The following TDRD1 variants were observed in gnomAD, a reference collection of about 807,000 sequenced individuals.
TDRD1 encodes the protein tudor domain-containing protein 1.
In TDRD1, 37 loss-of-function variants were observed where a neutral mutation model predicts 140.6. The observed-to-expected ratio is 0.26, with a 90% confidence interval of 0.20 to 0.35. TDRD1 has a LOEUF of 0.35. Among genes scored for constraint, TDRD1 ranks in the 10% least tolerant of loss-of-function variants. The probability of loss-of-function intolerance (pLI) is 1.00; values close to 1 mark genes in which losing one functional copy is unlikely to be tolerated. For missense variants in TDRD1, 1,243 were observed against 1,393.0 expected (o/e 0.89, Z 1.71); for synonymous variants, 506 against 475.7 (o/e 1.06, Z -0.83).
rs149671783 is a variant in TDRD1 at position 114,210,917 on chromosome 10, G to T, written c.1610G>T (p.Arg537Leu). The T allele has an allele frequency of 1.9e-4, 312 of 1,613,960 alleles. No homozygotes were observed. Among genetic ancestry groups the T allele is most frequent in the Non-Finnish European group, 2.6e-4 (303 of 1,179,982 alleles). ...AAGTACTGTGATCAGTTGCCTCCACGCTCTGATTTTTATCCAGCCATTGGT... is the reference window on the plus strand; with the variant it reads ...AAGTACTGTGATCAGTTGCCTCCACTCTCTGATTTTTATCCAGCCATTGGT... Residue 537 changes from arginine (R) to leucine (L), a missense_variant, in exon 13 of 26, where the codon CGC becomes CTC. This residue lies in a region of TDRD1 where 392 missense variants were observed against 394.1 expected (regional missense o/e 0.99). Coordinates refer to ENST00000251864, the Ensembl canonical transcript of TDRD1.
intron 7 of TDRD1, 43 bp downstream of exon 7, chr10:114,203,219 A>G: frequency 1.3e-6 from 2 of 1,522,342 alleles, no homozygotes; most frequent in Non-Finnish European, 1.8e-6. Flanking sequence ...GATCCAGAGA[A>G]CTGTATTTAT....
At chr10:114,224,867 C>T (rs1032355191) in intron 21 of TDRD1, among the ~76,000 whole-genome samples, 1 of 152,164 alleles carries the variant, frequency 6.6e-6, no homozygotes, top group Non-Finnish European at 1.5e-5. Flanking sequence ...AGGCTTTCTG[C>T]AAATCTCTGG....
chr10:114,187,809 T>A lies in TDRD1; in HGVS notation c.-6-17T>A. On this transcript the variant is annotated splice_polypyrimidine_tract_variant and intron_variant, in intron 1 of 25. Coordinates refer to ENST00000251864, the Ensembl canonical transcript of TDRD1. ...TTGAAATTAAAAGTTGTCTCTTAAA[T>A]ACATTTCTCTCCTTAGGCCTCGATG... 7.2e-6 allele frequency: 11 copies of A among 1,530,666 alleles called. No individual in the cohort carries two copies. Among genetic ancestry groups the A allele is most frequent in the Non-Finnish European group, 9.6e-6 (11 of 1,142,966 alleles). The allele number at this position is 1,530,666 out of a possible 1,614,324, so 94.8% of individuals were successfully genotyped here.
chr10:114,211,063 A>T (rs1276366544), intron 13 of TDRD1, 96 bp downstream of exon 13: 3 of 929,998 alleles, frequency 3.2e-6, no homozygotes, highest in Non-Finnish European at 4.7e-6. Context: ...TTTGGTTTGC[A>T]CTGATGGCTG....
At chr10:114,210,461 A>G (rs2035408559) in intron 11 of TDRD1, 120 bp from the exon 12 acceptor site, 4 of 993,662 alleles carry the variant, frequency 4.0e-6, no homozygotes, top group Non-Finnish European at 5.7e-6. Context: ...TCAGACTGCC[A>G]TCTTCCAGGA....
intron 21 of TDRD1, among the ~76,000 whole-genome samples, chr10:114,223,468 A>G (rs2036262112): frequency 6.6e-6 from 1 of 152,250 alleles, no homozygotes; most frequent in Non-Finnish European, 1.5e-5. Context: ...CTGGATCCCA[A>G]ACCTCTCACA....
chr10:114,219,564 T>G (rs1404178447), intron 18 of TDRD1, among the ~76,000 whole-genome samples: 1 of 151,788 alleles, frequency 6.6e-6, no homozygotes, highest in Non-Finnish European at 1.5e-5. Flanking sequence ...TATAATATAT[T>G]TCAGATTATT....
At chr10:114,211,788 T>C (rs1434364755) in intron 13 of TDRD1, 78 bp from the exon 14 acceptor site, 6 of 1,360,060 alleles carry the variant, frequency 4.4e-6, no homozygotes, top group African/African-American at 1.5e-5. Context: ...AATGACCATC[T>C]CTAAGTTGAG....
At chr10:114,211,062 C>T (rs1225137150) in intron 13 of TDRD1, 95 bp downstream of exon 13, 52 of 930,332 alleles carry the variant, frequency 5.6e-5, no homozygotes, top group Admixed American at 5.4e-5. Context: ...CTTTGGTTTG[C>T]ACTGATGGCT....
chr10:114,214,241 C>T (rs971610547), intron 16 of TDRD1, 127 bp downstream of exon 16: 15 of 777,992 alleles, frequency 1.9e-5, no homozygotes, highest in Non-Finnish European at 2.8e-5. Context: ...ATTTGTATTT[C>T]CAAGAAAGAT....
At chr10:114,200,949 G>A (rs2034698901) in intron 4 of TDRD1, among the ~76,000 whole-genome samples, 1 of 146,132 alleles carries the variant, frequency 6.8e-6, no homozygotes, top group Non-Finnish European at 1.5e-5. Context: ...TCTGCCTCCC[G>A]GGTTCGAGAT....
intron 21 of TDRD1, among the ~76,000 whole-genome samples, chr10:114,224,433 G>A (rs910669006): frequency 6.6e-6 from 1 of 152,150 alleles, no homozygotes; most frequent in African/African-American, 2.4e-5. Flanking sequence ...CAGTGGGTGG[G>A]CCCCTTACAT....
intron 11 of TDRD1, among the ~76,000 whole-genome samples, chr10:114,208,969 A>T (rs2035306388): frequency 6.6e-6 from 1 of 151,932 alleles, no homozygotes. Flanking sequence ...TTTTTAGTAG[A>T]GACAGTGTTT....
At position 114,231,612 on chromosome 10, in the gene TDRD1, T is replaced by G. The variant is rs183906467; in HGVS notation, c.*95T>G. The G allele has an allele frequency of 2.4e-3, 2,516 of 1,041,232 alleles. 2 individuals are homozygous for G. Among genetic ancestry groups the G allele is most frequent in the Non-Finnish European group, 3.2e-3 (2,282 of 718,544 alleles). 64.5% of individuals were successfully genotyped at this position (1,041,232 alleles called of 1,614,324 possible). ...TTTTCTTTGTCCACTTTCTCTGTAA[T>G]GACCTTCTATCCCTCCGTTTTTGCC... is the stretch of plus-strand genomic sequence containing the variant. On this transcript the variant is annotated 3_prime_UTR_variant, in exon 26 of 26. Transcript: ENST00000251864.
At chr10:114,179,724 A>C (rs1387064157) in intron 1 of TDRD1, 2 of 152,210 alleles carry the variant, frequency 1.3e-5, no homozygotes, top group East Asian at 3.8e-4. Context: ...TTACGATACA[A>C]ACAATATTAA....
chr10:114,223,288 T>C (rs906416498), intron 21 of TDRD1, among the ~76,000 whole-genome samples: 6 of 152,184 alleles, frequency 3.9e-5, no homozygotes, highest in African/African-American at 1.4e-4. Flanking sequence ...AGGTGGCTAG[T>C]GGCAGGATGG....
Position 114,227,311 on chromosome 10 carries a change from A to G in TDRD1, c.3403+12A>G. 6.5e-7 allele frequency: 1 copy of G among 1,545,478 alleles called. No individual in the cohort carries two copies. ...TGCTTTAAATACAGGTATTCTTTTC[A>G]AGTGTTATTAATAACAGATGTTAAG... is the stretch of plus-strand genomic sequence containing the variant. On this transcript the variant is annotated intron_variant, in intron 23 of 25. Coordinates refer to ENST00000251864, the Ensembl canonical transcript of TDRD1.
chr10:114,181,824 C>T (rs942558366), intron 1 of TDRD1, among the ~76,000 whole-genome samples: 3 of 140,596 alleles, frequency 2.1e-5, no homozygotes, highest in Admixed American at 7.4e-5. Context: ...CCATTCTGGG[C>T]GATGGAGCGA....
At chr10:114,192,597 G>T (rs2034065888) in intron 3 of TDRD1, among the ~76,000 whole-genome samples, 1 of 152,024 alleles carries the variant, frequency 6.6e-6, no homozygotes, top group Non-Finnish European at 1.5e-5. Context: ...TGAGCCACCA[G>T]ATAGTTTTAC....
Sources: gnomAD v4.1 joint callset for allele counts (sites outside exome capture counted in the v4.1 genomes callset) on GRCh38, gnomAD v4.1.1 for gene constraint, gnomAD v4.1.1 regional missense constraint, MANE v1.5 for transcripts, NCBI Gene and HGNC (gene_info 2026-07-23, HGNC 2026-07-21) for gene names.